The following PPARGC1A variants were observed in gnomAD, a reference collection of about 807,000 sequenced individuals.
The protein encoded by PPARGC1A is PPARG coactivator 1 alpha, also known as peroxisome proliferator-activated receptor gamma coactivator 1-alpha.
Under a neutral mutation model 88.7 loss-of-function variants are expected in PPARGC1A, and 25 were observed. The observed-to-expected ratio is 0.28, with a 90% confidence interval of 0.21 to 0.39. PPARGC1A has a LOEUF of 0.39. Among genes scored for constraint, PPARGC1A ranks in the 10% least tolerant of loss-of-function variants. The pLI is 1.00. For synonymous variants in PPARGC1A, 363 were observed against 355.6 expected (o/e 1.02, Z -0.24); for missense variants, 880 against 968.7 (o/e 0.91, Z 1.22).
the PPARGC1A span, among the ~76,000 whole-genome samples, chr4:23,998,965 C>T: frequency 2.0e-5 from 3 of 152,198 alleles, no homozygotes; most frequent in East Asian, 1.9e-4. Context: ...TGATTTATTA[C>T]GTGTCATGCA....
At chr4:23,908,083 G>A (rs984540225), upstream of PPARGC1A, among the ~76,000 whole-genome samples, 4 of 152,170 alleles carry the variant, frequency 2.6e-5, no homozygotes, top group African/African-American at 7.2e-5. Context: ...ATTCACTACC[G>A]ATGCTTCGTC....
chr4:24,014,051 G>A, the PPARGC1A span, among the ~76,000 whole-genome samples: 1 of 152,304 alleles, frequency 6.6e-6, no homozygotes, highest in East Asian at 1.9e-4. Flanking sequence ...TGTATGTAAA[G>A]GGAACTTCAG....
chr4:23,873,215 AATAAAAAAT>A lies in PPARGC1A; in HGVS notation c.234+11528_234+11536del, dbSNP rs1274821470. 1.1e-3 allele frequency among the ~76,000 whole-genome samples: 154 copies of A among 144,404 alleles called. 10 individuals carry two copies. The highest frequency in any genetic ancestry group is 3.6e-3 in the African/African-American group (140 of 39,426). 94.7% of individuals were successfully genotyped at this position (144,404 alleles called of 152,430 possible). A position where few individuals can be genotyped will look rare whatever the true frequency, so the allele number is the denominator to read the frequency against. On this transcript the variant is annotated intron_variant, in intron 2 of 12. Coordinates refer to ENST00000264867, the MANE Select transcript of PPARGC1A (RefSeq NM_013261.5). ...TCCGTCTCAAAAATAAAAAATAAAA[AATAAAAAAT>A]AAAGAAAAAAATGTGACCAGCCATA...
the PPARGC1A span, among the ~76,000 whole-genome samples, chr4:24,216,822 G>A: frequency 6.6e-6 from 1 of 152,168 alleles, no homozygotes; most frequent in African/African-American, 2.4e-5. Context: ...GATTCTCCCT[G>A]AGAAGAGAGT....
At chr4:24,043,082 A>G in the PPARGC1A span, among the ~76,000 whole-genome samples, 1 of 152,126 alleles carries the variant, frequency 6.6e-6, no homozygotes, top group Non-Finnish European at 1.5e-5. Context: ...TTGGGATCAG[A>G]AAACTGGGGT....
chr4:23,869,820 A>G (rs1712894423), intron 2 of PPARGC1A, among the ~76,000 whole-genome samples: 1 of 152,150 alleles, frequency 6.6e-6, no homozygotes, highest in Non-Finnish European at 1.5e-5. Flanking sequence ...GAAGGAGAAA[A>G]GTATAGGCGA....
chr4:24,303,719 T>C, the PPARGC1A span, among the ~76,000 whole-genome samples: 1 of 152,212 alleles, frequency 6.6e-6, no homozygotes, highest in African/African-American at 2.4e-5. Context: ...CCTCAATTTT[T>C]TTCCATATGA....
At chr4:23,878,428 A>G (rs13116018) in intron 2 of PPARGC1A, among the ~76,000 whole-genome samples, 1 of 151,872 alleles carries the variant, frequency 6.6e-6, no homozygotes, top group Non-Finnish European at 1.5e-5. Flanking sequence ...CAGGAAAGTT[A>G]GTGCCAGTGA....
At chr4:24,015,018 C>T in the PPARGC1A span, among the ~76,000 whole-genome samples, 2 of 152,092 alleles carry the variant, frequency 1.3e-5, no homozygotes, top group Non-Finnish European at 2.9e-5. Context: ...ACTTGACATT[C>T]CCAGCTCCTT....
chr4:23,884,658 G>T, intron 2 of PPARGC1A, 94 bp downstream of exon 2: 3 of 1,098,712 alleles, frequency 2.7e-6, no homozygotes, highest in Non-Finnish European at 3.7e-6. Flanking sequence ...TGATAGCAAA[G>T]TAAGAACTCA....
At chr4:24,231,145 T>C in the PPARGC1A span, among the ~76,000 whole-genome samples, 1 of 152,024 alleles carries the variant, frequency 6.6e-6, no homozygotes, top group East Asian at 1.9e-4. Flanking sequence ...TCAAAGTCCA[T>C]TGCCCAAAAC....
At chr4:24,132,876 C>T in the PPARGC1A span, among the ~76,000 whole-genome samples, 2 of 151,970 alleles carry the variant, frequency 1.3e-5, no homozygotes, top group African/African-American at 4.8e-5. Context: ...TCTGTGATAG[C>T]TAATACACAT....
the PPARGC1A span, among the ~76,000 whole-genome samples, chr4:24,387,880 A>AAAGAGAGAAAGAAAGAAAG: frequency 8.3e-6 from 1 of 119,946 alleles, no homozygotes; most frequent in African/African-American, 3.7e-5. Flanking sequence ...AAGAAAGAGA[A>AAAGAGAGAAAGAAAGAAAG]AGAAAGAAAG....
chr4:24,373,824 C>T, the PPARGC1A span, among the ~76,000 whole-genome samples: 1 of 152,178 alleles, frequency 6.6e-6, no homozygotes, highest in Non-Finnish European at 1.5e-5. Flanking sequence ...TTATTTTCAC[C>T]TTTTTCACTT....
the PPARGC1A span, among the ~76,000 whole-genome samples, chr4:24,339,751 T>C: frequency 1.3e-5 from 2 of 152,324 alleles, no homozygotes; most frequent in Admixed American, 6.5e-5. Flanking sequence ...TTTGCTTTGT[T>C]TTTTTCAGAC....
the PPARGC1A span, among the ~76,000 whole-genome samples, chr4:24,227,146 G>A: frequency 6.6e-6 from 1 of 151,330 alleles, no homozygotes; most frequent in Non-Finnish European, 1.5e-5. Flanking sequence ...GTGCAGTGGT[G>A]CGATCTCGGC....
At chr4:24,323,674 C>T in the PPARGC1A span, among the ~76,000 whole-genome samples, 1 of 152,220 alleles carries the variant, frequency 6.6e-6, no homozygotes, top group Non-Finnish European at 1.5e-5. Context: ...ATGTTGCTCA[C>T]ACAAAGCCTG....
chr4:23,930,390 C>T, the PPARGC1A span, among the ~76,000 whole-genome samples: 1 of 152,116 alleles, frequency 6.6e-6, no homozygotes, highest in Non-Finnish European at 1.5e-5. Context: ...GGGAGTAACG[C>T]CTTCTGACCA....
intron 2 of PPARGC1A, among the ~76,000 whole-genome samples, chr4:23,832,227 A>G (rs1725135392): frequency 1.3e-5 from 2 of 152,220 alleles, no homozygotes; most frequent in South Asian, 4.1e-4. Context: ...GTGGAACTAT[A>G]CTGAAAGCAA....
Sources: gnomAD v4.1 joint callset for allele counts (sites outside exome capture counted in the v4.1 genomes callset) on GRCh38, gnomAD v4.1.1 for gene constraint, MANE v1.5 for transcripts, NCBI Gene and HGNC (gene_info 2026-07-23, HGNC 2026-07-21) for gene names.